The following RAP1GDS1 variants were observed in gnomAD, a reference collection of about 807,000 sequenced individuals.
The protein encoded by RAP1GDS1 is RAP1, GTP-GDP dissociation stimulator 1.
In RAP1GDS1, 35 loss-of-function variants were observed where a neutral mutation model predicts 71.1. That is an observed-to-expected ratio of 0.49 (90% confidence interval 0.38 to 0.65). RAP1GDS1 has a LOEUF of 0.65. Ranked by LOEUF, RAP1GDS1 falls within the 30% of genes least tolerant of loss-of-function variation. The pLI is 0.00. For missense variants in RAP1GDS1, 663 were observed against 706.1 expected (o/e 0.94, Z 0.69); for synonymous variants, 229 against 243.1 (o/e 0.94, Z 0.54).
At chr4:98,279,080 T>C (rs1462626897) in intron 1 of RAP1GDS1, among the ~76,000 whole-genome samples, 1 of 151,866 alleles carries the variant, frequency 6.6e-6, no homozygotes, top group Admixed American at 6.6e-5. Flanking sequence ...AAAAATTAGC[T>C]GGGCATGGTG....
intron 2 of RAP1GDS1, among the ~76,000 whole-genome samples, chr4:98,297,262 T>A (rs1189679338): frequency 6.6e-6 from 1 of 152,188 alleles, no homozygotes; most frequent in South Asian, 2.1e-4. Flanking sequence ...TAGCCCTTGT[T>A]CTTTATTTCA....
In RAP1GDS1 at chr4:98,394,355, G is replaced by A. The variant is rs144465062; in HGVS notation, c.637+2275G>A. On this transcript the variant is annotated intron_variant, in intron 6 of 14. Coordinates refer to ENST00000408927, the MANE Select transcript of RAP1GDS1 (RefSeq NM_001100427.2). ...AGGAAAAGTATTAGTCATTATTACC[G>A]CCTCTTATGAAAAGAGCATAACAAG... is the stretch of plus-strand genomic sequence containing the variant. 1.7e-3 allele frequency among the ~76,000 whole-genome samples: 254 copies of A among 152,144 alleles called. 2 individuals are homozygous for A. Among genetic ancestry groups the A allele is most frequent in the African/African-American group, 5.6e-3 (234 of 41,496 alleles).
chr4:98,413,369 G>T (rs1442309279), intron 7 of RAP1GDS1, among the ~76,000 whole-genome samples: 1 of 140,220 alleles, frequency 7.1e-6, no homozygotes, highest in African/African-American at 2.6e-5. Flanking sequence ...ATCCCTCCCC[G>T]CTCCCCCCAC....
intron 2 of RAP1GDS1, among the ~76,000 whole-genome samples, chr4:98,311,379 C>T (rs188329006): frequency 2.0e-4 from 30 of 152,096 alleles, no homozygotes; most frequent in African/African-American, 7.2e-4. Context: ...GTTTTTACTT[C>T]TTGTAAAGAG....
At chr4:98,429,651 A>AT (rs533309011) in intron 12 of RAP1GDS1, among the ~76,000 whole-genome samples, 20 of 152,180 alleles carry the variant, frequency 1.3e-4, no homozygotes, top group African/African-American at 3.6e-4. Flanking sequence ...TATGGAAATA[A>AT]TTTTTTTTAA....
chr4:98,389,312 C>A (rs762761587), intron 5 of RAP1GDS1, among the ~76,000 whole-genome samples: 2 of 103,094 alleles, frequency 1.9e-5, no homozygotes, highest in Non-Finnish European at 3.5e-5. Context: ...TTTTTTTTTT[C>A]TCTCTCTCTC....
At chr4:98,374,439 G>A (rs943306281) in intron 4 of RAP1GDS1, among the ~76,000 whole-genome samples, 5 of 151,722 alleles carry the variant, frequency 3.3e-5, no homozygotes, top group Admixed American at 6.6e-5. Flanking sequence ...AGTCATTATC[G>A]TTAAAGTCCC....
At chr4:98,420,446 A>G (rs1300961773) in intron 11 of RAP1GDS1, among the ~76,000 whole-genome samples, 3 of 151,912 alleles carry the variant, frequency 2.0e-5, no homozygotes, top group Non-Finnish European at 4.4e-5. Flanking sequence ...GCTCACCGCA[A>G]CTTCCGCCTC....
intron 2 of RAP1GDS1, among the ~76,000 whole-genome samples, chr4:98,329,632 A>T (rs995540943): frequency 3.3e-5 from 5 of 152,036 alleles, no homozygotes; most frequent in Non-Finnish European, 7.4e-5. Flanking sequence ...TACTAAAAAT[A>T]CAAAAAATTA....
chr4:98,310,609 G>T (rs1209039320), intron 2 of RAP1GDS1, among the ~76,000 whole-genome samples: 1 of 152,094 alleles, frequency 6.6e-6, no homozygotes, highest in African/African-American at 2.4e-5. Flanking sequence ...AAAGCAGAAT[G>T]AACTAATTTA....
At chr4:98,319,658 A>G (rs968270204) in intron 2 of RAP1GDS1, among the ~76,000 whole-genome samples, 10 of 151,754 alleles carry the variant, frequency 6.6e-5, no homozygotes, top group African/African-American at 1.2e-4. Flanking sequence ...GTGCACACCT[A>G]TAATCCCAGC....
chr4:98,378,897 G>A (rs1011662976), intron 4 of RAP1GDS1, 120 bp from the exon 5 acceptor site: 35 of 947,846 alleles, frequency 3.7e-5, no homozygotes, highest in Admixed American at 3.0e-4. Flanking sequence ...TTAATGTCCT[G>A]CCTAGGTTTA....
intron 1 of RAP1GDS1, among the ~76,000 whole-genome samples, chr4:98,268,800 T>C (rs1463607916): frequency 2.0e-5 from 3 of 151,996 alleles, no homozygotes; most frequent in African/African-American, 7.2e-5. Context: ...TGTAAGACAT[T>C]GATGAAAGAA....
At chr4:98,262,997 T>C (rs895999387) in intron 1 of RAP1GDS1, among the ~76,000 whole-genome samples, 1 of 152,234 alleles carries the variant, frequency 6.6e-6, no homozygotes. Flanking sequence ...TCTGTAAAAA[T>C]TGGGTGGCCC....
intron 2 of RAP1GDS1, among the ~76,000 whole-genome samples, chr4:98,334,229 G>C (rs919957104): frequency 5.3e-5 from 8 of 151,966 alleles, no homozygotes; most frequent in African/African-American, 1.9e-4. Context: ...ATATGTGCAT[G>C]TGCATAAACA....
chr4:98,369,326 G>T (rs1434160290), intron 4 of RAP1GDS1, among the ~76,000 whole-genome samples: 3 of 152,042 alleles, frequency 2.0e-5, no homozygotes, highest in African/African-American at 7.2e-5. Context: ...TTCTTTTAAT[G>T]CTTAATAACC....
chr4:98,426,239 G>A (rs1749592372), intron 12 of RAP1GDS1, among the ~76,000 whole-genome samples: 1 of 152,066 alleles, frequency 6.6e-6, no homozygotes, highest in South Asian at 2.1e-4. Context: ...TAAGAGGAAA[G>A]TTTATAGCCT....
chr4:98,284,606 G>A (rs1240626611), intron 1 of RAP1GDS1, among the ~76,000 whole-genome samples: 2 of 152,110 alleles, frequency 1.3e-5, no homozygotes, highest in Non-Finnish European at 2.9e-5. Flanking sequence ...CACTCATTAA[G>A]AGTTGGGGTC....
chr4:98,421,157 G>GT (rs2110193032), intron 11 of RAP1GDS1, 98 bp from the exon 12 acceptor site: 6 of 1,298,266 alleles, frequency 4.6e-6, no homozygotes, highest in South Asian at 2.0e-5. Flanking sequence ...GTCGTGCTGT[G>GT]TTTTTTTAGA....
Sources: allele counts gnomAD v4.1 joint callset (sites outside exome capture counted in the v4.1 genomes callset), GRCh38; gene constraint gnomAD v4.1.1; transcripts MANE v1.5; gene names NCBI Gene and HGNC (gene_info 2026-07-23, HGNC 2026-07-21).